PDHX: variants seen among roughly 807,000 people sequenced by gnomAD.
The protein encoded by PDHX is pyruvate dehydrogenase protein X component, mitochondrial.
Under a neutral mutation model 55.3 loss-of-function variants are expected in PDHX, and 33 were observed. The ratio of observed to expected loss-of-function variants is 0.60; its 90% CI spans 0.45 to 0.80. The LOEUF is 0.80. PDHX is among the 30% of genes least tolerant of loss of function. The probability of loss-of-function intolerance (pLI) is 0.00; values close to 1 mark genes in which losing one functional copy is unlikely to be tolerated. For missense variants in PDHX, 622 were observed against 619.9 expected (o/e 1.00, Z -0.04); for synonymous variants, 226 against 219.4 (o/e 1.03, Z -0.27).
chr11:34,975,633 A>G (rs76740558), intron 7 of PDHX, among the ~76,000 whole-genome samples: 2,237 of 152,136 alleles, frequency 0.015, 55 homozygotes, highest in African/African-American at 0.049. Context: ...TGCATGTTGT[A>G]CCATACTCTG....
At chr11:34,916,906 G>A in intron 1 of PDHX, 91 bp downstream of exon 1, 1 of 1,260,620 alleles carries the variant, frequency 7.9e-7, no homozygotes, top group Non-Finnish European at 1.1e-6. Context: ...GCTTTTGGGT[G>A]TGAAGGTGCG....
intron 7 of PDHX, among the ~76,000 whole-genome samples, chr11:34,973,399 C>T (rs12805200): frequency 0.03 from 4,587 of 151,982 alleles, 112 homozygotes; most frequent in South Asian, 0.048. Context: ...ATGTTTAGAC[C>T]GCTCACATTT....
chr11:34,973,656 A>G (rs1855301664), intron 7 of PDHX, among the ~76,000 whole-genome samples: 1 of 152,124 alleles, frequency 6.6e-6, no homozygotes, highest in Non-Finnish European at 1.5e-5. Flanking sequence ...CTCCATGTTT[A>G]ATATAAGAAC....
chr11:34,984,936 A>G (rs1855608511), intron 9 of PDHX: 1 of 520,850 alleles, frequency 1.9e-6, no homozygotes, highest in Non-Finnish European at 3.4e-6. Flanking sequence ...TTAATATTCA[A>G]AAATTAAGAG....
intron 6 of PDHX, among the ~76,000 whole-genome samples, chr11:34,967,235 T>G (rs1475235737): frequency 6.6e-6 from 1 of 152,228 alleles, no homozygotes; most frequent in African/African-American, 2.4e-5. Flanking sequence ...TAAAACAGAT[T>G]AGTTTTATTA....
intron 2 of PDHX, among the ~76,000 whole-genome samples, chr11:34,934,052 A>C (rs927888302): frequency 2.0e-5 from 3 of 152,188 alleles, no homozygotes; most frequent in African/African-American, 7.2e-5. Context: ...CGTAGCTCTG[A>C]GTAACCAAGT....
intron 10 of PDHX, 114 bp from the exon 11 acceptor site, chr11:34,994,800 A>G: frequency 1.8e-6 from 2 of 1,103,242 alleles, no homozygotes; most frequent in East Asian, 2.4e-5. Flanking sequence ...TTACTCATAT[A>G]TTTTTTTCTT....
chr11:34,938,337 T>G (rs1278121844), intron 2 of PDHX, among the ~76,000 whole-genome samples: 2 of 152,194 alleles, frequency 1.3e-5, no homozygotes, highest in Non-Finnish European at 2.9e-5. Context: ...GAGAATTTTC[T>G]AGAATTTAAG....
At chr11:34,965,297 A>G (rs1224334510) in intron 5 of PDHX, among the ~76,000 whole-genome samples, 2 of 152,160 alleles carry the variant, frequency 1.3e-5, no homozygotes, top group Non-Finnish European at 2.9e-5. Context: ...GCCAAGAACC[A>G]CTGACAGCTC....
chr11:34,991,675 G>T (rs188081232), intron 9 of PDHX, among the ~76,000 whole-genome samples: 1 of 151,896 alleles, frequency 6.6e-6, no homozygotes, highest in Non-Finnish European at 1.5e-5. Flanking sequence ...TTGGGAGGCC[G>T]AGGTGGGTGG....
chr11:34,916,732 T>C lies in PDHX; in HGVS notation c.77T>C (p.Val26Ala). 1 of 1,613,358 alleles carries C rather than the reference T, an allele frequency of 6.2e-7. No individual in the cohort carries two copies. The highest frequency in any genetic ancestry group is 8.5e-7 in the Non-Finnish European group (1 of 1,179,850). ...GTGGGCTTCCCCGGCCGCCGAAGCGTAGGGCTGGTGAAGGGGGCTCTTGGG... is the reference window on the plus strand; with the variant it reads ...GTGGGCTTCCCCGGCCGCCGAAGCGCAGGGCTGGTGAAGGGGGCTCTTGGG... ...YLVGFPGRRS[V>A]GLVKGALGWS... is the part of the protein sequence containing the mutation. The change falls in exon 1 of 11, where the codon GTA becomes GCA. Residue 26 changes from valine to alanine, a missense_variant. By Grantham distance (64) the Val-to-Ala change is moderately conservative. Coordinates refer to ENST00000227868, the MANE Select transcript of PDHX (RefSeq NM_003477.3).
chr11:34,980,101 C>A (rs1206081749), intron 8 of PDHX, among the ~76,000 whole-genome samples: 1 of 149,972 alleles, frequency 6.7e-6, no homozygotes, highest in Non-Finnish European at 1.5e-5. Context: ...TATATTTTCC[C>A]AGAAAATCAC....
At position 34,984,388 on chromosome 11, in the gene PDHX, T is replaced by C. The variant is rs186620319; in HGVS notation, c.1024-182T>C. On this transcript the variant is annotated intron_variant, in intron 8 of 10. Transcript: ENST00000227868. ...TCAAAAAGGTGGTATGTTTAATTAT[T>C]CTTGGCAAACATAAAAGATAATTGA... 5.9e-5 allele frequency among the ~76,000 whole-genome samples: 9 copies of C among 152,338 alleles called. No homozygotes were observed. The East Asian group carries it at 1.5e-3, about 26-fold the overall frequency.
intron 7 of PDHX, among the ~76,000 whole-genome samples, chr11:34,971,915 T>G (rs1855265851): frequency 6.6e-6 from 1 of 152,250 alleles, no homozygotes; most frequent in South Asian, 2.1e-4. Context: ...ACTATGAATT[T>G]TATTTTAAAA....
chr11:34,937,942 A>C (rs1854374288), intron 2 of PDHX, among the ~76,000 whole-genome samples: 2 of 152,260 alleles, frequency 1.3e-5, no homozygotes, highest in African/African-American at 4.8e-5. Flanking sequence ...GAAGTCTTTT[A>C]GGAGTGAAGT....
intron 2 of PDHX, among the ~76,000 whole-genome samples, chr11:34,939,688 T>A (rs1192086651): frequency 6.6e-6 from 1 of 152,210 alleles, no homozygotes; most frequent in Non-Finnish European, 1.5e-5. Flanking sequence ...GATAACTCAT[T>A]TTTATTTTCT....
chr11:34,969,407 G>A (rs993597393), intron 6 of PDHX, among the ~76,000 whole-genome samples: 7 of 150,408 alleles, frequency 4.7e-5, no homozygotes, highest in Admixed American at 1.3e-4. Context: ...GCAGTGGCGC[G>A]ATCTTGGCTC....
At chr11:34,964,011 T>A (rs1318435372) in intron 5 of PDHX, among the ~76,000 whole-genome samples, 1 of 152,214 alleles carries the variant, frequency 6.6e-6, no homozygotes, top group Non-Finnish European at 1.5e-5. Flanking sequence ...TGAATTCATG[T>A]CACACCCAAA....
intron 1 of PDHX, among the ~76,000 whole-genome samples, chr11:34,926,228 A>G (rs1455715563): frequency 6.6e-6 from 1 of 152,160 alleles, no homozygotes; most frequent in Non-Finnish European, 1.5e-5. Context: ...CCTAGTGCTG[A>G]TTTTTAAATT....
Sources: allele counts gnomAD v4.1 joint callset (sites outside exome capture counted in the v4.1 genomes callset), GRCh38; gene constraint gnomAD v4.1.1; transcripts MANE v1.5; gene names NCBI Gene and HGNC (gene_info 2026-07-23, HGNC 2026-07-21).